TBX18: variants seen among roughly 807,000 people sequenced by gnomAD.
TBX18 encodes T-box transcription factor 18, also known as T-box transcription factor TBX18.
TBX18 carries 21 observed loss-of-function variants against 55.0 expected under a neutral mutation model. The observed-to-expected ratio is 0.38, with a 90% confidence interval of 0.27 to 0.55. The LOEUF (loss-of-function observed/expected upper bound fraction) is 0.55. Ranked by LOEUF, TBX18 falls within the 20% of genes least tolerant of loss-of-function variation. The probability of loss-of-function intolerance (pLI) is 0.73; values close to 1 mark genes in which losing one functional copy is unlikely to be tolerated. For missense variants in TBX18, 840 were observed against 799.6 expected (o/e 1.05, Z -0.61); for synonymous variants, 342 against 326.1 (o/e 1.05, Z -0.53).
At chr6:84,752,901 C>T (rs1343282311) in intron 4 of TBX18, among the ~76,000 whole-genome samples, 2 of 152,162 alleles carry the variant, frequency 1.3e-5, no homozygotes, top group African/African-American at 2.4e-5. Flanking sequence ...GCTTAAGGTA[C>T]ACCACTACCT....
chr6:84,764,015 C>G lies in TBX18; in HGVS notation c.167G>C (p.Ser56Thr), dbSNP rs1282620489. ...AAGAVDDGGCSRGGGAGEKGS... is the reference protein window; with the variant it reads ...AAGAVDDGGCTRGGGAGEKGS... Reference sequence around the variant, plus strand: ...CTTTTCGCCCGCGCCGCCGCCGCGGCTGCAGCCTCCGTCGTCCACGGCCCC... The same window carrying G: ...CTTTTCGCCCGCGCCGCCGCCGCGGGTGCAGCCTCCGTCGTCCACGGCCCC... The change falls in exon 1 of 8, where the codon AGC becomes ACC. Residue 56 changes from serine to threonine, a missense_variant. By Grantham distance (58) the Ser-to-Thr change is moderately conservative. Coordinates refer to ENST00000369663, the MANE Select transcript of TBX18 (RefSeq NM_001080508.3). 1.3e-6 allele frequency: 2 copies of G among 1,556,884 alleles called. No individual in the cohort carries two copies. The highest frequency in any genetic ancestry group is 4.8e-5 in the East Asian group (2 of 42,090).
At chr6:84,752,469 C>T (rs900150208) in intron 4 of TBX18, among the ~76,000 whole-genome samples, 3 of 152,192 alleles carry the variant, frequency 2.0e-5, no homozygotes, top group Non-Finnish European at 4.4e-5. Context: ...CAATGAATCA[C>T]AAACTCCATA....
At position 84,744,237 on chromosome 6, in the gene TBX18, G is replaced by A. The variant is rs527954912; in HGVS notation, c.1004+24C>T. ...AATATCAAATATATTTATCATAACCGGAATGGTCTTCACTAAGGCCCACCT... is the reference window on the plus strand; with the variant it reads ...AATATCAAATATATTTATCATAACCAGAATGGTCTTCACTAAGGCCCACCT... On this transcript the variant is annotated intron_variant, in intron 6 of 7. Transcript: ENST00000369663. 56 of 1,589,206 alleles carry A rather than the reference G, an allele frequency of 3.5e-5. No individual in the cohort carries two copies. The East Asian group carries it at 8.3e-4, about 24-fold the overall frequency.
chr6:84,750,424 G>A (rs1408548018), intron 4 of TBX18, among the ~76,000 whole-genome samples: 3 of 152,136 alleles, frequency 2.0e-5, no homozygotes, highest in Admixed American at 2.0e-4. Flanking sequence ...GGAAAAAGGA[G>A]TAGGCAAGAT....
intron 5 of TBX18, 100 bp downstream of exon 5, chr6:84,747,820 T>A: frequency 8.8e-7 from 1 of 1,130,342 alleles, no homozygotes. Context: ...ATATGGCAAA[T>A]GCTTTATAAT....
intron 4 of TBX18, 29 bp from the exon 5 acceptor site, chr6:84,748,116 A>T: frequency 6.4e-7 from 1 of 1,571,094 alleles, no homozygotes; most frequent in South Asian, 1.2e-5. Context: ...AGCTGAATTT[A>T]TCAGAAGCCT....
intron 4 of TBX18, among the ~76,000 whole-genome samples, chr6:84,755,074 T>A (rs1438822815): frequency 6.7e-6 from 1 of 149,928 alleles, no homozygotes; most frequent in Non-Finnish European, 1.5e-5. Context: ...CACACCCTAT[T>A]TTCTGAAGAA....
chr6:84,748,505 T>G (rs1767256742), intron 4 of TBX18, among the ~76,000 whole-genome samples: 1 of 152,190 alleles, frequency 6.6e-6, no homozygotes, highest in Non-Finnish European at 1.5e-5. Context: ...ACAGACAAGG[T>G]TTTTTTCAGA....
intron 5 of TBX18, among the ~76,000 whole-genome samples, chr6:84,747,156 C>T (rs1767218306): frequency 6.6e-6 from 1 of 151,162 alleles, no homozygotes; most frequent in African/African-American, 2.4e-5. Flanking sequence ...AAATGGAGAC[C>T]CAGAACAATT....
intron 4 of TBX18, among the ~76,000 whole-genome samples, chr6:84,748,375 AT>A (rs1172437281): frequency 2.0e-5 from 3 of 152,252 alleles, no homozygotes; most frequent in Non-Finnish European, 4.4e-5. Context: ...GAATAAATTA[AT>A]AAGCATTTTA....
At chr6:84,753,970 T>C (rs904080982) in intron 4 of TBX18, among the ~76,000 whole-genome samples, 1 of 152,168 alleles carries the variant, frequency 6.6e-6, no homozygotes, top group African/African-American at 2.4e-5. Context: ...CTCTGTCACC[T>C]GGGTTGGAGT....
intron 6 of TBX18, among the ~76,000 whole-genome samples, chr6:84,740,476 T>C (rs1021258792): frequency 3.9e-5 from 6 of 152,216 alleles, no homozygotes; most frequent in South Asian, 2.1e-4. Flanking sequence ...ATCATATCTG[T>C]GGCCAAACTA....
chr6:84,758,368 A>G (rs761839347), intron 3 of TBX18, among the ~76,000 whole-genome samples: 4 of 150,952 alleles, frequency 2.6e-5, no homozygotes, highest in Non-Finnish European at 4.4e-5. Context: ...AGATCACGCC[A>G]TTGTACTCCA....
chr6:84,739,017 C>A (rs1408548320), intron 6 of TBX18, among the ~76,000 whole-genome samples: 2 of 152,130 alleles, frequency 1.3e-5, no homozygotes, highest in Non-Finnish European at 2.9e-5. Flanking sequence ...CCTAGAAAAC[C>A]AGCTCTTTTC....
In TBX18 at chr6:84,737,103, G is replaced by A; in HGVS notation, c.1406C>T (p.Ser469Phe). ...GGTGTCCCCATCAGTGCCACCCATG[G>A]ACATGTTCACGGAGGTGCTGCTGCT... ...GVSSSTSVNM[S>F]MGGTDGDTFS... is the part of the protein sequence containing the mutation. The change falls in exon 8 of 8, where the codon TCC becomes TTC. Residue 469 changes from serine (S) to phenylalanine (F), a missense_variant. Physicochemically the swap from Ser to Phe is radical, Grantham distance 155. Coordinates refer to ENST00000369663, the MANE Select transcript of TBX18 (RefSeq NM_001080508.3). 6.2e-7 allele frequency: 1 copy of A among 1,614,200 alleles called. No homozygotes were observed. The highest frequency in any genetic ancestry group is 8.5e-7 in the Non-Finnish European group (1 of 1,180,026).
chr6:84,760,508 A>T, intron 2 of TBX18, 152 bp from the exon 3 acceptor site: 1 of 527,912 alleles, frequency 1.9e-6, no homozygotes, highest in Non-Finnish European at 3.3e-6. Context: ...AGGAGTCAGG[A>T]CATAGAACAT....
chr6:84,756,676 A>T, intron 4 of TBX18, 22 bp downstream of exon 4: 1 of 1,611,274 alleles, frequency 6.2e-7, no homozygotes, highest in South Asian at 1.1e-5. Context: ...CTACAGATGC[A>T]TTAGAGAGGC....
intron 5 of TBX18, among the ~76,000 whole-genome samples, chr6:84,744,786 C>A (rs995747518): frequency 1.3e-5 from 2 of 152,118 alleles, no homozygotes; most frequent in East Asian, 1.9e-4. Flanking sequence ...TCCTACAGAG[C>A]TTTCTCTTCT....
chr6:84,736,832 C>G lies in TBX18; in HGVS notation c.1677G>C (p.Pro559=). 3 of 1,613,982 alleles carry G rather than the reference C, an allele frequency of 1.9e-6. No individual in the cohort carries two copies. Among genetic ancestry groups the G allele is most frequent in the Non-Finnish European group, 1.7e-6 (2 of 1,179,978 alleles). Reference sequence around the variant, plus strand: ...TCTGCCGATCCGTCATGGTCCCACTCGGTGAGGACCCCAAGAAACTTCCTT... The same window carrying G: ...TCTGCCGATCCGTCATGGTCCCACTGGGTGAGGACCCCAAGAAACTTCCTT... ...SSQGSFLGSS[P]SGTMTDRQML... Residue 559 remains proline, a synonymous_variant, in exon 8 of 8, where the codon CCG becomes CCC. Transcript: ENST00000369663.
Sources: gnomAD v4.1 joint callset for allele counts (sites outside exome capture counted in the v4.1 genomes callset) on GRCh38, gnomAD v4.1.1 for gene constraint, MANE v1.5 for transcripts, NCBI Gene and HGNC (gene_info 2026-07-23, HGNC 2026-07-21) for gene names.